The following CRADD variants were observed in gnomAD, a reference collection of about 807,000 sequenced individuals.
CRADD encodes CARD and death domain containing adaptor protein, also known as death domain-containing protein CRADD.
CRADD carries 9 observed loss-of-function variants against 15.5 expected under a neutral mutation model. The ratio of observed to expected loss-of-function variants is 0.58; its 90% CI spans 0.35 to 1.01. The LOEUF (loss-of-function observed/expected upper bound fraction) is 1.01, where lower values mean the gene tolerates loss of function less well. Among genes scored for constraint, CRADD ranks in the 50% least tolerant of loss-of-function variants. The pLI, the probability that CRADD is intolerant of heterozygous loss-of-function variation, is 0.02. For missense variants in CRADD, 227 were observed against 250.3 expected, an observed-to-expected ratio of 0.91 and a Z score of 0.63; for synonymous variants, 118 against 107.6, an observed-to-expected ratio of 1.10 and a Z score of -0.60.
chr12:93,883,186 G>A (rs1330238013), intron 2 of CRADD, among the ~76,000 whole-genome samples: 1 of 152,110 alleles, frequency 6.6e-6, no homozygotes. Context: ...AAAATTAGAG[G>A]GCAGGTTTGA....
intron 2 of CRADD, among the ~76,000 whole-genome samples, chr12:93,888,587 A>G (rs1958554841): frequency 6.6e-6 from 1 of 152,070 alleles, no homozygotes; most frequent in Non-Finnish European, 1.5e-5. Flanking sequence ...CATTCTGTGC[A>G]TGTGTTTCAG....
intron 2 of CRADD, among the ~76,000 whole-genome samples, chr12:93,857,495 G>GC (rs1958284990): frequency 6.6e-6 from 1 of 152,334 alleles, no homozygotes; most frequent in African/African-American, 2.4e-5. Context: ...CCTGGTGTGT[G>GC]CCCTGGCCAA....
chr12:93,685,981 G>A (rs750364331), intron 2 of CRADD, among the ~76,000 whole-genome samples: 14 of 149,706 alleles, frequency 9.4e-5, no homozygotes, highest in Non-Finnish European at 1.9e-4. Context: ...GGACAAGAGC[G>A]AAACTTCGTC....
chr12:93,708,047 G>A (rs184376069), intron 2 of CRADD: 6 of 152,272 alleles, frequency 3.9e-5, no homozygotes, highest in Admixed American at 6.5e-5. Context: ...AGAGTTCAAA[G>A]GCATCATGGA....
At chr12:93,802,477 A>T (rs1484286133) in intron 2 of CRADD, among the ~76,000 whole-genome samples, 1 of 138,162 alleles carries the variant, frequency 7.2e-6, no homozygotes, top group African/African-American at 2.8e-5. Context: ...TCAGTGATGC[A>T]GCAGCCAGGA....
intron 2 of CRADD, among the ~76,000 whole-genome samples, chr12:93,870,459 A>T (rs1327057463): frequency 6.6e-6 from 1 of 152,152 alleles, no homozygotes. Context: ...TTTTACCCTC[A>T]GAAGGGCAGG....
At chr12:93,777,855 C>T (rs925311187) in intron 2 of CRADD, among the ~76,000 whole-genome samples, 6 of 152,126 alleles carry the variant, frequency 3.9e-5, no homozygotes, top group East Asian at 1.9e-4. Flanking sequence ...TCCCCATCAT[C>T]GTGGCTCCGT....
chr12:93,757,095 G>A (rs539104960), intron 2 of CRADD, among the ~76,000 whole-genome samples: 2 of 152,214 alleles, frequency 1.3e-5, no homozygotes, highest in South Asian at 2.1e-4. Flanking sequence ...CACTTTTGTT[G>A]GAAAATTTAC....
At chr12:93,746,522 A>G (rs755026461) in intron 2 of CRADD, among the ~76,000 whole-genome samples, 14 of 152,204 alleles carry the variant, frequency 9.2e-5, no homozygotes, top group Non-Finnish European at 1.3e-4. Flanking sequence ...GCAGAATGAA[A>G]ACTTTTATCA....
chr12:93,802,501 AGGGG>A (rs1565919469), intron 2 of CRADD, among the ~76,000 whole-genome samples: 2 of 31,058 alleles, frequency 6.4e-5, no homozygotes, highest in Admixed American at 1.0e-3. Flanking sequence ...TTTCTGGGCC[AGGGG>A]CCAGGCCACA....
intron 2 of CRADD, chr12:93,837,348 A>G (rs1013016325): frequency 2.6e-5 from 4 of 151,242 alleles, no homozygotes; most frequent in Admixed American, 2.0e-4. Context: ...GCACACTGCA[A>G]CCTCCACCTC....
intron 2 of CRADD, among the ~76,000 whole-genome samples, chr12:93,752,181 T>C (rs1956836235): frequency 6.6e-6 from 1 of 152,210 alleles, no homozygotes; most frequent in Admixed American, 6.5e-5. Context: ...CAGTGGAGGG[T>C]AAAGCATGGC....
At position 93,731,822 on chromosome 12, in the gene CRADD, A is replaced by G. The variant is rs1033807095; in HGVS notation, c.298+52750A>G. 1.3e-4 allele frequency among the ~76,000 whole-genome samples: 20 copies of G among 152,320 alleles called. 1 individual carries two copies. The highest frequency in any genetic ancestry group is 4.8e-4 in the African/African-American group (20 of 41,578). ...GGTGTATTTTAAAATGCTTGATATA[A>G]TCTTCAAAATTTATTATGAAACAGT... On this transcript the variant is annotated intron_variant, in intron 2 of 2. Coordinates refer to ENST00000332896, the MANE Select transcript of CRADD (RefSeq NM_003805.5).
intron 2 of CRADD, among the ~76,000 whole-genome samples, chr12:93,750,145 A>G (rs1003112739): frequency 6.6e-5 from 10 of 152,208 alleles, no homozygotes; most frequent in African/African-American, 1.9e-4. Flanking sequence ...TGTGCAATGT[A>G]GAAAGGAACT....
Position 93,806,467 on chromosome 12 carries a change from A to C in CRADD, c.299-43503A>C, listed in dbSNP as rs902655082. ...ACTCCATCTCAAAAAAAAAAAAAAA[A>C]AAAAACAAAAAAAAGAAAAAAAAGG... On this transcript the variant is annotated intron_variant, in intron 2 of 2. Transcript: ENST00000332896. Among the ~76,000 whole-genome samples the C allele has an allele frequency of 3.3e-3, 490 of 149,716 alleles. 6 individuals are homozygous for C. The highest frequency in any genetic ancestry group is 0.011 in the African/African-American group (436 of 40,958).
chr12:93,838,859 G>A (rs1406617010), intron 2 of CRADD, among the ~76,000 whole-genome samples: 2 of 151,734 alleles, frequency 1.3e-5, no homozygotes, highest in Non-Finnish European at 2.9e-5. Flanking sequence ...CCCTGGCTCA[G>A]GTGATCTTCC....
chr12:93,746,230 G>C (rs943613553), intron 2 of CRADD, among the ~76,000 whole-genome samples: 1 of 152,182 alleles, frequency 6.6e-6, no homozygotes, highest in Non-Finnish European at 1.5e-5. Context: ...TGTTTGAAGT[G>C]GGGGCATTTG....
chr12:93,723,310 C>T lies in CRADD; in HGVS notation c.298+44238C>T, dbSNP rs1489450633. ...ACAAGATTCCTAAACTTCCCAATTG[C>T]TCCTATAGATAACATCACTATTGTA... On this transcript the variant is annotated intron_variant, in intron 2 of 2. Coordinates refer to ENST00000332896, the MANE Select transcript of CRADD (RefSeq NM_003805.5). Among the ~76,000 whole-genome samples, 3 of 152,184 alleles carry T rather than the reference C, an allele frequency of 2.0e-5. No individual in the cohort carries two copies. The East Asian group carries it at 5.8e-4, about 29-fold the overall frequency.
At chr12:93,872,294 A>G (rs1958427422) in intron 2 of CRADD, among the ~76,000 whole-genome samples, 1 of 152,154 alleles carries the variant, frequency 6.6e-6, no homozygotes, top group South Asian at 2.1e-4. Context: ...ATCCTTATAT[A>G]TTCTTATTAA....
Sources: gnomAD v4.1 joint callset for allele counts (sites outside exome capture counted in the v4.1 genomes callset) on GRCh38, gnomAD v4.1.1 for gene constraint, MANE v1.5 for transcripts, NCBI Gene and HGNC (gene_info 2026-07-23, HGNC 2026-07-21) for gene names.